Variants in STXBP6 observed in about 807,000 individuals in gnomAD.
STXBP6 encodes the protein syntaxin binding protein 6.
A neutral mutation model predicts 26.9 loss-of-function variants in STXBP6; 21 were observed. That is an observed-to-expected ratio of 0.78 (90% CI 0.55 to 1.12). The LOEUF (loss-of-function observed/expected upper bound fraction) is 1.12. Among genes scored for constraint, STXBP6 ranks in the 50% most tolerant of loss-of-function variants. The pLI is 0.00. For synonymous variants in STXBP6, 97 were observed against 92.6 expected, an observed-to-expected ratio of 1.05 and a Z score of -0.27; for missense variants, 232 against 257.9, an observed-to-expected ratio of 0.90 and a Z score of 0.69.
chr14:24,948,728 C>T (rs1042913503), intron 2 of STXBP6, among the ~76,000 whole-genome samples: 1 of 152,124 alleles, frequency 6.6e-6, no homozygotes, highest in East Asian at 1.9e-4. Flanking sequence ...CTTAACAACA[C>T]TTTCAAAAAT....
intron 1 of STXBP6, among the ~76,000 whole-genome samples, chr14:24,989,800 G>A (rs1391951964): frequency 6.6e-6 from 1 of 152,224 alleles, no homozygotes; most frequent in Non-Finnish European, 1.5e-5. Flanking sequence ...CAGTGACCCA[G>A]GTATGACGTG....
intron 2 of STXBP6, among the ~76,000 whole-genome samples, chr14:24,911,388 A>G (rs986492666): frequency 2.0e-5 from 3 of 151,484 alleles, no homozygotes; most frequent in African/African-American, 7.3e-5. Flanking sequence ...AGAGAGAGAG[A>G]GAGAGAAAGG....
At chr14:24,821,995 C>T (rs919498653) in intron 4 of STXBP6, among the ~76,000 whole-genome samples, 1 of 152,138 alleles carries the variant, frequency 6.6e-6, no homozygotes, top group African/African-American at 2.4e-5. Context: ...CAGACTCTCT[C>T]TGGAGCAATC....
At chr14:24,921,547 A>G (rs2071978379) in intron 2 of STXBP6, among the ~76,000 whole-genome samples, 1 of 152,132 alleles carries the variant, frequency 6.6e-6, no homozygotes, top group Non-Finnish European at 1.5e-5. Flanking sequence ...CTTTACTATA[A>G]GAGGGTAGAA....
rs114354831 is a variant in STXBP6 at position 25,013,053 on chromosome 14, C to T, written c.-33+36825G>A. Among the ~76,000 whole-genome samples, 739 of 152,226 alleles carry T rather than the reference C, an allele frequency of 4.9e-3. 6 individuals carry two copies. Among genetic ancestry groups the T allele is most frequent in the African/African-American group, 0.017 (686 of 41,538 alleles). Reference sequence around the variant, plus strand: ...GCTGCAGTGAGCTACGATAGTTGCACGGCACTCCAGCCTACATGACAGAGA... The same window carrying T: ...GCTGCAGTGAGCTACGATAGTTGCATGGCACTCCAGCCTACATGACAGAGA... On this transcript the variant is annotated intron_variant, in intron 1 of 5. Transcript: ENST00000323944.
chr14:24,911,380 A>G (rs957150234), intron 2 of STXBP6, among the ~76,000 whole-genome samples: 3 of 144,644 alleles, frequency 2.1e-5, no homozygotes, highest in Non-Finnish European at 4.4e-5. Flanking sequence ...GAAAGAAGAG[A>G]GAGAGAGAGA....
rs2075777044 is a variant in STXBP6 at position 25,049,728 on chromosome 14, A to C, written c.-33+150T>G. The C allele has an allele frequency of 2.0e-6, 2 of 985,290 alleles. No individual in the cohort carries two copies. The highest frequency in any genetic ancestry group is 1.2e-6 in the Non-Finnish European group (1 of 830,098). The allele number at this position is 985,290 out of a possible 1,614,324, so 61.0% of individuals were successfully genotyped here. On this transcript the variant is annotated intron_variant, in intron 1 of 5. Transcript: ENST00000323944. The surrounding 1 kb of genome is among the most constrained non-coding windows in gnomAD (Gnocchi z 5.6). ...TCCCGCCACCCGCCAACTTGGAAGAATCTCTCTGGGAGCCTGCCTACTCCC... is the reference window on the plus strand; with the variant it reads ...TCCCGCCACCCGCCAACTTGGAAGACTCTCTCTGGGAGCCTGCCTACTCCC...
chr14:24,990,734 C>T (rs576294938), intron 1 of STXBP6, among the ~76,000 whole-genome samples: 7 of 149,920 alleles, frequency 4.7e-5, no homozygotes, highest in African/African-American at 1.7e-4. Context: ...GTAGTGGGAG[C>T]TGAAGCTTTA....
intron 4 of STXBP6, among the ~76,000 whole-genome samples, chr14:24,839,556 T>C (rs1042968288): frequency 6.6e-6 from 1 of 152,124 alleles, no homozygotes; most frequent in Non-Finnish European, 1.5e-5. Context: ...AATAATCACA[T>C]CTCTGAGGTG....
intron 1 of STXBP6, among the ~76,000 whole-genome samples, chr14:25,028,032 T>G (rs1043686492): frequency 4.6e-5 from 7 of 152,216 alleles, no homozygotes; most frequent in African/African-American, 1.7e-4. Context: ...GGTTGGTTCA[T>G]GAGGTTTAAG....
At position 25,049,277 on chromosome 14, in the gene STXBP6, G is replaced by T; in HGVS notation, c.-33+601C>A. On this transcript the variant is annotated intron_variant, in intron 1 of 5. Transcript: ENST00000323944. This position sits in a 1 kb window ranked among gnomAD's most constrained non-coding sequence, Gnocchi z 5.6. ...GGCGTGCACGGCAAGCGCGAATTCG[G>T]AACCTGGCGCCCTTGACCAAGCCTG... 9 of 985,462 alleles carry T rather than the reference G, an allele frequency of 9.1e-6. No individual in the cohort carries two copies. The highest frequency in any genetic ancestry group is 1.1e-5 in the Non-Finnish European group (9 of 829,950). The allele number at this position is 985,462 out of a possible 1,614,324, so 61.0% of individuals were successfully genotyped here.
At chr14:24,868,439 T>C (rs1262791843) in intron 2 of STXBP6, among the ~76,000 whole-genome samples, 1 of 152,148 alleles carries the variant, frequency 6.6e-6, no homozygotes, top group Non-Finnish European at 1.5e-5. Flanking sequence ...ATACTAAGGA[T>C]ACCAAGTGTT....
intron 2 of STXBP6, among the ~76,000 whole-genome samples, chr14:24,881,849 G>A (rs1438058865): frequency 6.6e-6 from 1 of 152,222 alleles, no homozygotes; most frequent in African/African-American, 2.4e-5. Context: ...GTTGGCTGGA[G>A]CGAAGATGTG....
intron 2 of STXBP6, among the ~76,000 whole-genome samples, chr14:24,857,853 T>TTG (rs1408520063): frequency 6.6e-6 from 1 of 152,030 alleles, no homozygotes; most frequent in East Asian, 1.9e-4. Flanking sequence ...CAGCATCACC[T>TTG]CTCAGACTGA....
chr14:25,041,401 G>T (rs942274276), intron 1 of STXBP6, among the ~76,000 whole-genome samples: 1 of 152,166 alleles, frequency 6.6e-6, no homozygotes, highest in African/African-American at 2.4e-5. Flanking sequence ...AAAACAACTT[G>T]CTTCAGGAAC....
At chr14:24,814,756 G>A (rs2067922050) in intron 5 of STXBP6, among the ~76,000 whole-genome samples, 1 of 152,168 alleles carries the variant, frequency 6.6e-6, no homozygotes, top group Non-Finnish European at 1.5e-5. Context: ...GAGGTAGTTA[G>A]GTCATGAGGG....
At chr14:24,866,447 ATG>A (rs2069726075) in intron 2 of STXBP6, among the ~76,000 whole-genome samples, 1 of 152,070 alleles carries the variant, frequency 6.6e-6, no homozygotes, top group Non-Finnish European at 1.5e-5. Flanking sequence ...GCGTGTGTAT[ATG>A]TGTGTGTATG....
At chr14:25,011,775 T>C (rs554891525) in intron 1 of STXBP6, among the ~76,000 whole-genome samples, 3 of 152,296 alleles carry the variant, frequency 2.0e-5, no homozygotes, top group South Asian at 4.1e-4. Flanking sequence ...GAAAAAAAAG[T>C]ATTTCTAAGC....
chr14:24,958,216 C>G (rs1957761), intron 2 of STXBP6, among the ~76,000 whole-genome samples: 16 of 152,238 alleles, frequency 1.1e-4, no homozygotes, highest in Admixed American at 9.2e-4. Flanking sequence ...TTAATATTGC[C>G]CATACCAAAG....
Sources: allele counts gnomAD v4.1 joint callset (sites outside exome capture counted in the v4.1 genomes callset), GRCh38; gene constraint gnomAD v4.1.1; non-coding constraint Gnocchi (gnomAD v3.1); transcripts MANE v1.5; gene names NCBI Gene and HGNC (gene_info 2026-07-23, HGNC 2026-07-21).